The following NLRP5 variants were observed in gnomAD, a reference collection of about 807,000 sequenced individuals.
NLRP5 encodes NLR family pyrin domain containing 5, also known as NACHT, LRR and PYD domains-containing protein 5.
A neutral mutation model predicts 113.1 loss-of-function variants in NLRP5; 93 were observed. That is an observed-to-expected ratio of 0.82 (90% confidence interval 0.70 to 0.98). The LOEUF is 0.98. Ranked by LOEUF, NLRP5 falls within the 50% of genes least tolerant of loss-of-function variation. NLRP5 has a pLI of 0.00. For synonymous variants in NLRP5, 751 were observed against 600.7 expected (o/e 1.25, Z -3.66); for missense variants, 1,808 against 1,514.3 (o/e 1.19, Z -3.22).
At chr19:56,009,809 G>A (rs1287620463) in intron 3 of NLRP5, among the ~76,000 whole-genome samples, 4 of 152,146 alleles carry the variant, frequency 2.6e-5, no homozygotes, top group Non-Finnish European at 4.4e-5. Flanking sequence ...AGCCAACCTC[G>A]TTTTGATGGA....
At chr19:55,989,409 C>A in the NLRP5 span, among the ~76,000 whole-genome samples, 1 of 152,100 alleles carries the variant, frequency 6.6e-6, no homozygotes, top group South Asian at 2.1e-4. Flanking sequence ...CCCGCCACCA[C>A]GCCCGGCTAA....
At chr19:56,041,328 A>G (rs1260078068) in intron 11 of NLRP5, among the ~76,000 whole-genome samples, 2 of 152,080 alleles carry the variant, frequency 1.3e-5, no homozygotes, top group Non-Finnish European at 2.9e-5. Context: ...CAGTTCTCAT[A>G]ATTGGAGGTC....
intron 7 of NLRP5, among the ~76,000 whole-genome samples, chr19:56,031,135 A>G (rs1190866995): frequency 6.6e-6 from 1 of 152,106 alleles, no homozygotes; most frequent in Admixed American, 6.6e-5. Flanking sequence ...TTGCCAGTGG[A>G]CGGGAGACTA....
intron 7 of NLRP5, among the ~76,000 whole-genome samples, chr19:56,029,214 T>C (rs1416927977): frequency 1.4e-5 from 2 of 140,790 alleles, no homozygotes; most frequent in South Asian, 2.3e-4. Context: ...ATCTGAAACA[T>C]GGTGAGTGAG....
chr19:56,027,021 T>C lies in NLRP5; in HGVS notation c.788T>C (p.Met263Thr), dbSNP rs766920848. ...AACACTGCTGCTGACTGGCCGGAAA[T>C]GCAAACGTTGGCTGGTGCTTTTGAT... Residue 263 changes from methionine (M) to threonine (T), a missense_variant, in exon 7 of 15, where the codon ATG (methionine) becomes ACG (threonine). Physicochemically the swap from Met to Thr is moderately conservative, Grantham distance 81 (BLOSUM62 -1). Coordinates refer to ENST00000390649, the MANE Select transcript of NLRP5 (RefSeq NM_153447.4). The C allele has an allele frequency of 1.9e-6, 3 of 1,552,160 alleles. No homozygotes were observed. The East Asian group carries it at 7.3e-5, about 38-fold the overall frequency.
rs745880563 is a variant in NLRP5, at chr19:56,033,674, C to T, written c.2580C>T (p.Ala860=). The T allele has an allele frequency of 1.9e-6, 3 of 1,613,676 alleles. No individual in the cohort carries two copies. Among genetic ancestry groups the T allele is most frequent in the Non-Finnish European group, 2.5e-6 (3 of 1,179,750 alleles). ...AGGATGTAAGGATGGCGTGTGAAGCCTTAAAACACCCAAAATGTTTGTTGG... is the reference window on the plus strand; with the variant it reads ...AGGATGTAAGGATGGCGTGTGAAGCTTTAAAACACCCAAAATGTTTGTTGG... The change falls in exon 9 of 15, where the codon GCC becomes GCT. Residue 860 remains alanine (A), a synonymous_variant. Coordinates refer to ENST00000390649, the MANE Select transcript of NLRP5 (RefSeq NM_153447.4).
chr19:56,032,116 G>A (rs73619261), intron 7 of NLRP5, among the ~76,000 whole-genome samples: 20,838 of 152,060 alleles, frequency 0.14, 1,905 homozygotes, highest in East Asian at 0.48. Context: ...AGGCCAAGGC[G>A]GGGGCAGATC....
chr19:56,020,933 G>A (rs1251406336), intron 6 of NLRP5, among the ~76,000 whole-genome samples: 4 of 151,344 alleles, frequency 2.6e-5, no homozygotes, highest in Non-Finnish European at 5.9e-5. Context: ...TAGTGCAGTG[G>A]CGGTATCTCG....
intron 6 of NLRP5, among the ~76,000 whole-genome samples, chr19:56,024,757 C>CAA (rs572425329): frequency 0.069 from 9,741 of 141,540 alleles, 359 homozygotes; most frequent in African/African-American, 0.088. Context: ...AACTGTGTCT[C>CAA]AAAAAAAAAA....
At chr19:56,006,895 A>G (rs1457560377) in intron 2 of NLRP5, among the ~76,000 whole-genome samples, 2 of 151,108 alleles carry the variant, frequency 1.3e-5, no homozygotes, top group Non-Finnish European at 3.0e-5. Flanking sequence ...GCCCGCCAGC[A>G]CTCCTGGCTA....
At chr19:56,019,439 G>T in intron 5 of NLRP5, 41 bp downstream of exon 5, 1 of 1,589,492 alleles carries the variant, frequency 6.3e-7, no homozygotes, top group Non-Finnish European at 8.6e-7. Flanking sequence ...CCTCCTGGAA[G>T]AAAGTTGGGT....
chr19:55,990,087 T>TC, the NLRP5 span, among the ~76,000 whole-genome samples: 1,323 of 63,354 alleles, frequency 0.021, 52 homozygotes, highest in South Asian at 0.096. Context: ...TTCTTTTTTT[T>TC]TTTTTTTTTT....
upstream of NLRP5, among the ~76,000 whole-genome samples, chr19:55,998,672 GTA>G (rs368326842): frequency 6.9e-3 from 728 of 105,826 alleles, 17 homozygotes; most frequent in South Asian, 9.3e-3. Context: ...GTGTGTGTGT[GTA>G]TATATATATA....
chr19:56,019,320 G>A (rs765414221), intron 4 of NLRP5, 22 bp from the exon 5 acceptor site: 1 of 1,613,862 alleles, frequency 6.2e-7, no homozygotes, highest in South Asian at 1.1e-5. Flanking sequence ...CAAGTATGTT[G>A]GAATTCATTC....
intron 2 of NLRP5, among the ~76,000 whole-genome samples, chr19:56,005,506 A>ATG: frequency 9.4e-6 from 1 of 106,272 alleles, no homozygotes; most frequent in Non-Finnish European, 2.0e-5. Flanking sequence ...GCATGCCTGT[A>ATG]CACATATATA....
intron 11 of NLRP5, among the ~76,000 whole-genome samples, chr19:56,048,098 A>C (rs1983794755): frequency 6.6e-6 from 1 of 152,060 alleles, no homozygotes; most frequent in African/African-American, 2.4e-5. Flanking sequence ...CCTTTACTTT[A>C]TGTGAGTCTT....
the NLRP5 span, among the ~76,000 whole-genome samples, chr19:55,990,079 C>CTTTTCTTTTCTTTTTTTTTTTTTTTTT: frequency 1.0e-5 from 1 of 95,956 alleles, no homozygotes. Context: ...TTTCTTTTTT[C>CTTTTCTTTTCTTTTTTTTTTTTTTTTT]TTTTTTTTTT....
intron 7 of NLRP5, among the ~76,000 whole-genome samples, chr19:56,029,468 G>T (rs1983009653): frequency 6.6e-6 from 1 of 151,776 alleles, no homozygotes; most frequent in African/African-American, 2.4e-5. Flanking sequence ...GTTTCACCAT[G>T]TTGGCCAGGC....
intron 11 of NLRP5, among the ~76,000 whole-genome samples, chr19:56,041,598 C>T (rs1228650766): frequency 2.0e-5 from 3 of 152,262 alleles, no homozygotes; most frequent in Admixed American, 2.0e-4. Flanking sequence ...CACAGCCTCC[C>T]CACGCTCCCC....
Sources: gnomAD v4.1 joint callset for allele counts (sites outside exome capture counted in the v4.1 genomes callset) on GRCh38, gnomAD v4.1.1 for gene constraint, MANE v1.5 for transcripts, NCBI Gene and HGNC (gene_info 2026-07-23, HGNC 2026-07-21) for gene names.